Variants in AQP11 observed in about 807,000 individuals in gnomAD.
The protein encoded by AQP11 is aquaporin-11.
A neutral mutation model predicts 21.1 loss-of-function variants in AQP11; 20 were observed. The observed-to-expected ratio is 0.95, with a 90% CI of 0.67 to 1.38. AQP11 has a LOEUF of 1.38. Ranked by LOEUF, AQP11 falls within the 40% of genes most tolerant of loss-of-function variation. AQP11 has a pLI of 0.00. For synonymous variants in AQP11, 167 were observed against 150.1 expected (o/e 1.11, Z -0.82); for missense variants, 339 against 340.4 (o/e 1.00, Z 0.03).
Position 77,590,105 on chromosome 11 carries a change from AGCTG to A in AQP11, c.114_117del (p.Gln38HisfsTer14). On this transcript the variant is annotated frameshift_variant, in exon 1 of 3. Transcript: ENST00000313578. LOFTEE classifies it high-confidence loss of function. The stretch of plus-strand genomic sequence containing the variant: ...CTGGCCCGCGTAGTCGCCCGGCAGC[AGCTG>A]CACAGGCCGGTGGCCCACGCCTTCG... 1 of 1,607,850 alleles carries A rather than the reference AGCTG, an allele frequency of 6.2e-7. No homozygotes were observed. Among genetic ancestry groups the A allele is most frequent in the Non-Finnish European group, 8.5e-7 (1 of 1,179,680 alleles).
rs373441550 is a variant in AQP11 at position 77,609,409 on chromosome 11, C to T, written c.*32C>T. 3.3e-6 allele frequency: 5 copies of T among 1,537,594 alleles called. No homozygotes were observed. The highest frequency in any genetic ancestry group is 4.5e-6 in the Non-Finnish European group (5 of 1,118,514). On this transcript the variant is annotated 3_prime_UTR_variant, in exon 3 of 3. Coordinates refer to ENST00000313578, the MANE Select transcript of AQP11 (RefSeq NM_173039.3). ...CAAAGACTCAGACTAACATACAGGA[C>T]AGTCCAGCTGGATGTGATAAAGATT...
At chr11:77,595,612 T>TA (rs1251371801) in intron 1 of AQP11, among the ~76,000 whole-genome samples, 2 of 152,060 alleles carry the variant, frequency 1.3e-5, no homozygotes, top group Non-Finnish European at 2.9e-5. Context: ...CTGTTTACTC[T>TA]AAAAAACTGT....
At chr11:77,590,953 G>T in intron 1 of AQP11, 1 of 985,384 alleles carries the variant, frequency 1.0e-6, no homozygotes, top group South Asian at 4.7e-5. Flanking sequence ...TGCCAAGGTG[G>T]TATAGATCGT....
intron 2 of AQP11, among the ~76,000 whole-genome samples, chr11:77,606,960 A>G (rs1379609457): frequency 6.6e-6 from 1 of 152,204 alleles, no homozygotes; most frequent in Non-Finnish European, 1.5e-5. Context: ...TATGTATTCC[A>G]AGATTCTCAG....
Position 77,609,682 on chromosome 11 carries a change from C to A in AQP11, c.*305C>A, listed in dbSNP as rs1422859688. The A allele has an allele frequency of 5.0e-6, 1 of 201,426 alleles. No homozygotes were observed. Among genetic ancestry groups the A allele is most frequent in the Admixed American group, 5.7e-5 (1 of 17,524 alleles). The allele number at this position is 201,426 out of a possible 1,614,324, so 12.5% of individuals were successfully genotyped here. Reference sequence around the variant, plus strand: ...TGTTAACTTTGATGAAAAACGAGTACAGGATGAGAAGGGAAGTAAAGGTGA... The same window carrying A: ...TGTTAACTTTGATGAAAAACGAGTAAAGGATGAGAAGGGAAGTAAAGGTGA... On this transcript the variant is annotated 3_prime_UTR_variant, in exon 3 of 3. Coordinates refer to ENST00000313578, the MANE Select transcript of AQP11 (RefSeq NM_173039.3).
intron 2 of AQP11, among the ~76,000 whole-genome samples, chr11:77,608,849 C>T (rs1958861151): frequency 6.6e-6 from 1 of 152,200 alleles, no homozygotes; most frequent in African/African-American, 2.4e-5. Flanking sequence ...TAAGTGAAAA[C>T]TCCGAGTGCT....
Position 77,604,916 on chromosome 11 carries a change from G to A in AQP11, c.736+1244G>A, listed in dbSNP as rs556627377. ...GAAAAATTTTCTCTGTTTTTAGGCC[G>A]GGCGCAGTGGCTCACGCCTGTAATC... On this transcript the variant is annotated intron_variant, in intron 2 of 2. Coordinates refer to ENST00000313578, the MANE Select transcript of AQP11 (RefSeq NM_173039.3). 2.7e-3 allele frequency among the ~76,000 whole-genome samples: 412 copies of A among 152,272 alleles called. 6 individuals are homozygous for A. The highest frequency in any genetic ancestry group is 6.2e-4 in the Non-Finnish European group (42 of 68,018).
At chr11:77,600,970 C>G (rs1232364682) in intron 1 of AQP11, among the ~76,000 whole-genome samples, 1 of 151,706 alleles carries the variant, frequency 6.6e-6, no homozygotes, top group Non-Finnish European at 1.5e-5. Context: ...CGAGATCATG[C>G]CACTGCACTC....
intron 1 of AQP11, among the ~76,000 whole-genome samples, chr11:77,596,304 G>C (rs1958778034): frequency 6.6e-6 from 1 of 151,406 alleles, no homozygotes; most frequent in Non-Finnish European, 1.5e-5. Flanking sequence ...AGCCTGGCAT[G>C]GTGGCGGGCG....
intron 2 of AQP11, among the ~76,000 whole-genome samples, chr11:77,606,910 C>G (rs776980665): frequency 3.3e-5 from 5 of 152,054 alleles, no homozygotes; most frequent in African/African-American, 4.8e-5. Context: ...CAAACATTTT[C>G]GAATTCATAT....
chr11:77,604,959 C>T (rs573065167), intron 2 of AQP11, among the ~76,000 whole-genome samples: 6 of 152,162 alleles, frequency 3.9e-5, no homozygotes, highest in Non-Finnish European at 5.9e-5. Flanking sequence ...TTTGGGAGGC[C>T]GAGGCAGGCA....
chr11:77,599,184 C>G (rs1203463720), intron 1 of AQP11, among the ~76,000 whole-genome samples: 1 of 147,718 alleles, frequency 6.8e-6, no homozygotes, highest in Non-Finnish European at 1.5e-5. Flanking sequence ...CCTGGCCACA[C>G]CTGGCTAATT....
In AQP11 at chr11:77,590,298, C is replaced by A; in HGVS notation, c.306C>A (p.Gly102=). The A allele has an allele frequency of 1.2e-6, 2 of 1,605,954 alleles. No individual in the cohort carries two copies. Among genetic ancestry groups the A allele is most frequent in the African/African-American group, 1.3e-5 (1 of 74,866 alleles). The stretch of plus-strand genomic sequence containing the variant: ...TGGGCACGTCCAGCAACCCGTGCGG[C>A]GTGATGATGCAGATGATGCTGGGGG... ...TLVGTSSNPC[G]VMMQMMLGGM... The change falls in exon 1 of 3, where the codon GGC becomes GGA. Residue 102 remains glycine, a synonymous_variant. Coordinates refer to ENST00000313578, the MANE Select transcript of AQP11 (RefSeq NM_173039.3).
In AQP11 at chr11:77,610,111, T is replaced by G. The variant is rs982965636; in HGVS notation, c.*734T>G. ...CCTTATGAAGTAGGGAGGGCATGTATTTTTAATCTCCATTTTACAGATAAG... is the reference window on the plus strand; with the variant it reads ...CCTTATGAAGTAGGGAGGGCATGTAGTTTTAATCTCCATTTTACAGATAAG... On this transcript the variant is annotated 3_prime_UTR_variant, in exon 3 of 3. Coordinates refer to ENST00000313578, the MANE Select transcript of AQP11 (RefSeq NM_173039.3). 6.6e-6 allele frequency: 1 copy of G among 152,232 alleles called. No individual in the cohort carries two copies. The highest frequency in any genetic ancestry group is 1.5e-5 in the Non-Finnish European group (1 of 68,048). 9.4% of individuals were successfully genotyped at this position (152,232 alleles called of 1,614,324 possible). A position where few individuals can be genotyped will look rare whatever the true frequency, so the allele number is the denominator to read the frequency against.
At chr11:77,592,912 G>C (rs1958757331) in intron 1 of AQP11, among the ~76,000 whole-genome samples, 1 of 152,218 alleles carries the variant, frequency 6.6e-6, no homozygotes, top group Non-Finnish European at 1.5e-5. Context: ...CAATTGCTCT[G>C]GCAAGGGGCC....
At chr11:77,600,722 A>G (rs1246236482) in intron 1 of AQP11, among the ~76,000 whole-genome samples, 3 of 152,158 alleles carry the variant, frequency 2.0e-5, no homozygotes, top group Non-Finnish European at 4.4e-5. Flanking sequence ...ACAATAACCA[A>G]TCTTGTAGGG....
At chr11:77,594,763 C>T (rs935426469) in intron 1 of AQP11, among the ~76,000 whole-genome samples, 1 of 152,076 alleles carries the variant, frequency 6.6e-6, no homozygotes, top group Non-Finnish European at 1.5e-5. Context: ...GCCACAGGCT[C>T]CTAAGGATAG....
chr11:77,610,301 C>G lies in AQP11; in HGVS notation c.*924C>G, dbSNP rs1163842323. 6.6e-6 allele frequency: 1 copy of G among 152,134 alleles called. No individual in the cohort carries two copies. The highest frequency in any genetic ancestry group is 1.9e-4 in the East Asian group (1 of 5,208). The allele number at this position is 152,134 out of a possible 1,614,324, so 9.4% of individuals were successfully genotyped here. A position where few individuals can be genotyped will look rare whatever the true frequency, so the allele number is the denominator to read the frequency against. On this transcript the variant is annotated 3_prime_UTR_variant, in exon 3 of 3. Coordinates refer to ENST00000313578, the MANE Select transcript of AQP11 (RefSeq NM_173039.3). ...TAAATACTTTATAATAACGTTAAAACTTGTTTAGAAATTAACTAGTATTTT... is the reference window on the plus strand; with the variant it reads ...TAAATACTTTATAATAACGTTAAAAGTTGTTTAGAAATTAACTAGTATTTT...
intron 1 of AQP11, 114 bp from the exon 2 acceptor site, chr11:77,603,442 A>G: frequency 1.4e-6 from 1 of 695,016 alleles, no homozygotes; most frequent in African/African-American, 1.8e-5. Context: ...GCAAAGGAAG[A>G]TCACAGACTA....
Sources: gnomAD v4.1 joint callset for allele counts (sites outside exome capture counted in the v4.1 genomes callset) on GRCh38, gnomAD v4.1.1 for gene constraint, MANE v1.5 for transcripts, NCBI Gene and HGNC (gene_info 2026-07-23, HGNC 2026-07-21) for gene names.